MLIP: variants seen among roughly 807,000 people sequenced by gnomAD.
MLIP encodes the protein muscular LMNA-interacting protein.
In MLIP, 79 loss-of-function variants were observed where a neutral mutation model predicts 84.8. That is an observed-to-expected ratio of 0.93 (90% CI 0.78 to 1.12). The LOEUF is 1.12. MLIP is among the 50% of genes most tolerant of loss of function. The pLI, the probability that MLIP is intolerant of heterozygous loss-of-function variation, is 0.00. For synonymous variants in MLIP, 504 were observed against 463.0 expected (o/e 1.09, Z -1.14); for missense variants, 1,257 against 1,160.6 (o/e 1.08, Z -1.21).
At chr6:54,199,863 C>T (rs974507342) in intron 10 of MLIP, among the ~76,000 whole-genome samples, 2 of 151,962 alleles carry the variant, frequency 1.3e-5, no homozygotes, top group Non-Finnish European at 2.9e-5. Context: ...TCAGGGAAAC[C>T]ATATGAAGAC....
At chr6:54,130,416 C>T (rs1771281064) in intron 3 of MLIP, among the ~76,000 whole-genome samples, 1 of 152,108 alleles carries the variant, frequency 6.6e-6, no homozygotes, top group Admixed American at 6.6e-5. Context: ...ACCACCTGCC[C>T]ATCCTCACTG....
chr6:54,132,665 A>AC (rs1771479077), intron 3 of MLIP, among the ~76,000 whole-genome samples: 1 of 152,170 alleles, frequency 6.6e-6, no homozygotes, highest in Non-Finnish European at 1.5e-5. Context: ...AACAACAACA[A>AC]AAAAGAAAAC....
chr6:54,062,418 G>A (rs1184065984), intron 1 of MLIP, among the ~76,000 whole-genome samples: 1 of 152,112 alleles, frequency 6.6e-6, no homozygotes, highest in African/African-American at 2.4e-5. Context: ...AGGGCCTTTT[G>A]CCAAGTATCC....
intron 12 of MLIP, among the ~76,000 whole-genome samples, chr6:54,240,712 C>A (rs549667273): frequency 6.6e-6 from 1 of 152,324 alleles, no homozygotes; most frequent in South Asian, 2.1e-4. Context: ...CACCGTGGCT[C>A]ACGCCTGTAA....
intron 11 of MLIP, among the ~76,000 whole-genome samples, chr6:54,227,305 A>G (rs1490578071): frequency 6.6e-6 from 1 of 152,196 alleles, no homozygotes; most frequent in Admixed American, 6.5e-5. Flanking sequence ...GTATGAGAAC[A>G]GACTTATACA....
At chr6:54,052,681 T>A (rs992733222) in intron 1 of MLIP, among the ~76,000 whole-genome samples, 1 of 152,178 alleles carries the variant, frequency 6.6e-6, no homozygotes, top group African/African-American at 2.4e-5. Context: ...TCACTGTTTT[T>A]TTGGAGATAA....
intron 13 of MLIP, among the ~76,000 whole-genome samples, chr6:54,264,593 A>G (rs1783582195): frequency 6.6e-6 from 1 of 152,140 alleles, no homozygotes; most frequent in African/African-American, 2.4e-5. Context: ...AAAAAGTATT[A>G]GCCAAATGAT....
intron 3 of MLIP, among the ~76,000 whole-genome samples, chr6:54,129,663 T>G (rs866922761): frequency 6.6e-6 from 1 of 152,206 alleles, no homozygotes; most frequent in South Asian, 2.1e-4. Flanking sequence ...TAAACGTTCA[T>G]GTTGGATTCA....
At chr6:54,180,506 G>T (rs1776744639) in intron 9 of MLIP, among the ~76,000 whole-genome samples, 1 of 152,116 alleles carries the variant, frequency 6.6e-6, no homozygotes, top group African/African-American at 2.4e-5. Flanking sequence ...AATATGGAAG[G>T]TGTGCTTCAT....
rs559992211 is a variant in MLIP at position 54,176,203 on chromosome 6, T to A, written c.2544+6631T>A. Reference sequence around the variant, plus strand: ...CCTGTGGTTTTCTTAGTTTGACGTATCTTTCTGGCTTTGGTATCAGGGTAA... The same window carrying A: ...CCTGTGGTTTTCTTAGTTTGACGTAACTTTCTGGCTTTGGTATCAGGGTAA... On this transcript the variant is annotated intron_variant, in intron 9 of 13. Transcript: ENST00000502396. Among the ~76,000 whole-genome samples the A allele has an allele frequency of 1.7e-4, 26 of 152,106 alleles. No individual in the cohort carries two copies. In the East Asian group the frequency reaches 4.8e-3, roughly 28 times the overall value.
chr6:54,155,519 T>C (rs1308180026), intron 5 of MLIP, among the ~76,000 whole-genome samples: 1 of 152,168 alleles, frequency 6.6e-6, no homozygotes, highest in Non-Finnish European at 1.5e-5. Context: ...TTACAGATTC[T>C]GTTAGATCAT....
chr6:54,108,600 T>C (rs1297129437), upstream of MLIP, among the ~76,000 whole-genome samples: 2 of 152,194 alleles, frequency 1.3e-5, no homozygotes, highest in African/African-American at 2.4e-5. Context: ...AGAAATAGTC[T>C]ATAACAGCAA....
chr6:54,219,354 T>A (rs552527001), intron 11 of MLIP, among the ~76,000 whole-genome samples: 115 of 146,116 alleles, frequency 7.9e-4, no homozygotes, highest in African/African-American at 2.7e-3. Context: ...TTTCTTTTTT[T>A]TTTTTACATT....
chr6:54,082,286 A>G (rs931233749), intron 1 of MLIP, among the ~76,000 whole-genome samples: 3 of 152,038 alleles, frequency 2.0e-5, no homozygotes, highest in African/African-American at 7.2e-5. Context: ...ATTTCTTCTC[A>G]TGAAAAACAT....
chr6:54,052,428 G>A (rs1765428086), intron 1 of MLIP, among the ~76,000 whole-genome samples: 1 of 152,122 alleles, frequency 6.6e-6, no homozygotes, highest in Non-Finnish European at 1.5e-5. Flanking sequence ...ATTCTGGTAA[G>A]GAAAGGAAAG....
intron 9 of MLIP, among the ~76,000 whole-genome samples, chr6:54,175,522 G>A (rs1776196026): frequency 6.6e-6 from 1 of 151,748 alleles, no homozygotes; most frequent in South Asian, 2.1e-4. Context: ...GTACATGATA[G>A]TACTCTTTTG....
chr6:54,160,430 G>A lies in MLIP; in HGVS notation c.2353G>A (p.Glu785Lys), dbSNP rs745690556. ...SKDNTLEPPVELYFPAQLRQQ... is the reference protein window; with the variant it reads ...SKDNTLEPPVKLYFPAQLRQQ... ...GGACAACACATTAGAACCACCAGTG[G>A]AGGTAATAACTTCAGATTACCCCTG... Residue 785 changes from glutamate (E) to lysine (K), a missense_variant and splice_region_variant, in exon 6 of 14, where the codon GAG becomes AAG. By Grantham distance (56) the Glu-to-Lys change is moderately conservative. Transcript: ENST00000502396. The A allele has an allele frequency of 4.3e-6, 7 of 1,612,354 alleles. No homozygotes were observed. In the South Asian group the frequency reaches 4.4e-5, roughly 10 times the overall value.
chr6:54,197,943 T>C (rs187042328), intron 10 of MLIP, among the ~76,000 whole-genome samples: 71 of 152,196 alleles, frequency 4.7e-4, no homozygotes, highest in African/African-American at 1.7e-3. Context: ...AGTCCAAAGG[T>C]ATCAGCAAAG....
intron 4 of MLIP, among the ~76,000 whole-genome samples, chr6:54,140,174 C>T (rs1772169305): frequency 6.6e-6 from 1 of 152,094 alleles, no homozygotes. Flanking sequence ...ATGCCATATA[C>T]TTATTCTTTT....
Sources: gnomAD v4.1 joint callset for allele counts (sites outside exome capture counted in the v4.1 genomes callset) on GRCh38, gnomAD v4.1.1 for gene constraint, MANE v1.5 for transcripts, NCBI Gene and HGNC (gene_info 2026-07-23, HGNC 2026-07-21) for gene names.